The following ADD3 variants were observed in gnomAD, a reference collection of about 807,000 sequenced individuals.
ADD3 encodes the protein adducin 3.
In ADD3, 25 loss-of-function variants were observed where a neutral mutation model predicts 80.2. The ratio of observed to expected loss-of-function variants is 0.31; its 90% CI spans 0.23 to 0.44. The LOEUF (loss-of-function observed/expected upper bound fraction) is 0.44, where lower values mean the gene tolerates loss of function less well. ADD3 is among the 20% of genes least tolerant of loss of function. The pLI is 1.00. For synonymous variants in ADD3, 284 were observed against 289.6 expected (o/e 0.98, Z 0.20); for missense variants, 829 against 847.5 (o/e 0.98, Z 0.27).
At chr10:110,027,992 C>G (rs866108957) in intron 1 of ADD3, among the ~76,000 whole-genome samples, 16 of 152,306 alleles carry the variant, frequency 1.1e-4, no homozygotes, top group African/African-American at 3.4e-4. Flanking sequence ...GTTTTGACTT[C>G]AGATCTTAGA....
At chr10:110,010,911 G>T (rs189338981) in intron 1 of ADD3, among the ~76,000 whole-genome samples, 1 of 152,074 alleles carries the variant, frequency 6.6e-6, no homozygotes, top group Non-Finnish European at 1.5e-5. Flanking sequence ...ACATCCTCTG[G>T]TATTAATACC....
chr10:110,035,409 A>G (rs1409945556), intron 1 of ADD3, among the ~76,000 whole-genome samples: 2 of 152,228 alleles, frequency 1.3e-5, no homozygotes, highest in Non-Finnish European at 1.5e-5. Context: ...ATTCTGAAGA[A>G]TATTGCTTGG....
intron 1 of ADD3, among the ~76,000 whole-genome samples, chr10:110,095,232 A>AT (rs1848011545): frequency 6.6e-6 from 1 of 152,198 alleles, no homozygotes; most frequent in African/African-American, 2.4e-5. Flanking sequence ...TATGGAGATA[A>AT]TTCACATACC....
intron 1 of ADD3, among the ~76,000 whole-genome samples, chr10:110,087,466 G>A (rs1029318113): frequency 6.6e-6 from 1 of 152,192 alleles, no homozygotes; most frequent in Non-Finnish European, 1.5e-5. Context: ...TTAATTTGTG[G>A]TTGGCCTTCA....
chr10:110,049,307 G>A (rs1386115212), intron 1 of ADD3, among the ~76,000 whole-genome samples: 1 of 152,200 alleles, frequency 6.6e-6, no homozygotes, highest in African/African-American at 2.4e-5. Context: ...ATGGAAATGT[G>A]GGGTTGAAGC....
intron 1 of ADD3, among the ~76,000 whole-genome samples, chr10:110,082,139 T>C (rs1392762127): frequency 6.6e-6 from 1 of 152,210 alleles, no homozygotes; most frequent in East Asian, 1.9e-4. Flanking sequence ...CAATGTATTA[T>C]CTTGCTGAGA....
chr10:110,005,709 A>G (rs999276271), upstream of ADD3: 1 of 152,316 alleles, frequency 6.6e-6, no homozygotes, highest in Non-Finnish European at 1.5e-5. Flanking sequence ...TGGTGCTTCT[A>G]GCATTTCATT....
At chr10:110,105,412 C>T (rs948903610) in intron 2 of ADD3, among the ~76,000 whole-genome samples, 14 of 152,142 alleles carry the variant, frequency 9.2e-5, no homozygotes, top group South Asian at 4.1e-4. Context: ...AGCAATAGCA[C>T]ATTGAATACA....
upstream of ADD3, among the ~76,000 whole-genome samples, chr10:110,006,638 GGA>G (rs1851656579): frequency 6.6e-6 from 1 of 152,146 alleles, no homozygotes; most frequent in African/African-American, 2.4e-5. Context: ...TTAGTCCAGT[GGA>G]GAGAGAAAAC....
At chr10:110,021,150 G>T (rs1853624073) in intron 1 of ADD3, among the ~76,000 whole-genome samples, 1 of 152,182 alleles carries the variant, frequency 6.6e-6, no homozygotes, top group African/African-American at 2.4e-5. Flanking sequence ...GGGATTTAAT[G>T]TATCTTATAA....
chr10:110,002,510 G>A (rs1423956867), upstream of ADD3, among the ~76,000 whole-genome samples: 1 of 152,038 alleles, frequency 6.6e-6, no homozygotes, highest in African/African-American at 2.4e-5. Context: ...TCCTGACCTT[G>A]TGATCTGCCT....
At chr10:110,012,019 A>G (rs543758763) in intron 1 of ADD3, among the ~76,000 whole-genome samples, 3 of 152,338 alleles carry the variant, frequency 2.0e-5, no homozygotes, top group African/African-American at 7.2e-5. Flanking sequence ...TGAACGAAAA[A>G]GTGTGTTATC....
intron 1 of ADD3, among the ~76,000 whole-genome samples, chr10:110,058,991 A>T (rs1361422426): frequency 6.6e-6 from 1 of 152,236 alleles, no homozygotes; most frequent in African/African-American, 2.4e-5. Context: ...CATTTAATTT[A>T]TAAATCACTT....
chr10:110,007,754 C>T (rs1008510753), upstream of ADD3, among the ~76,000 whole-genome samples: 3 of 151,528 alleles, frequency 2.0e-5, no homozygotes, highest in Non-Finnish European at 4.4e-5. Context: ...GACCAGGACT[C>T]CCGAGGGGCG....
chr10:110,046,731 G>C (rs1372812008), intron 1 of ADD3, among the ~76,000 whole-genome samples: 5 of 152,096 alleles, frequency 3.3e-5, no homozygotes, highest in Non-Finnish European at 7.4e-5. Flanking sequence ...GTAGTGGTGA[G>C]TATTAAGTAC....
At chr10:110,068,957 G>T (rs1844336170) in intron 1 of ADD3, among the ~76,000 whole-genome samples, 1 of 151,944 alleles carries the variant, frequency 6.6e-6, no homozygotes, top group Non-Finnish European at 1.5e-5. Flanking sequence ...TGAGCCTGTG[G>T]TCCCAGCTAC....
At chr10:110,048,084 C>T (rs1171215503) in intron 1 of ADD3, among the ~76,000 whole-genome samples, 1 of 152,036 alleles carries the variant, frequency 6.6e-6, no homozygotes, top group African/African-American at 2.4e-5. Flanking sequence ...GGGCAGTTTC[C>T]CTCATCCTGT....
chr10:110,014,491 T>C (rs113848817), intron 1 of ADD3, among the ~76,000 whole-genome samples: 44 of 152,302 alleles, frequency 2.9e-4, no homozygotes, highest in Middle Eastern at 3.4e-3. Context: ...GAAAACAGTG[T>C]ACCTCTTACC....
intron 2 of ADD3, among the ~76,000 whole-genome samples, chr10:110,108,264 G>C (rs895205786): frequency 6.6e-6 from 1 of 152,124 alleles, no homozygotes; most frequent in African/African-American, 2.4e-5. Flanking sequence ...TGCCATTGCA[G>C]TCTAATGCTC....
Sources: gnomAD v4.1 joint callset for allele counts (sites outside exome capture counted in the v4.1 genomes callset) on GRCh38, gnomAD v4.1.1 for gene constraint, MANE v1.5 for transcripts, NCBI Gene and HGNC (gene_info 2026-07-23, HGNC 2026-07-21) for gene names.